The following NEBL variants were observed in gnomAD, a reference collection of about 807,000 sequenced individuals.
NEBL encodes LIM and SH3 protein 2.
Under a neutral mutation model 140.2 loss-of-function variants are expected in NEBL, and 122 were observed. The observed-to-expected ratio is 0.87, with a 90% CI of 0.75 to 1.01. The LOEUF is 1.01. Among genes scored for constraint, NEBL ranks in the 50% least tolerant of loss-of-function variants. NEBL has a pLI of 0.00. For synonymous variants in NEBL, 436 were observed against 398.9 expected (o/e 1.09, Z -1.11); for missense variants, 1,365 against 1,231.3 (o/e 1.11, Z -1.62).
chr10:21,246,501 G>A (rs1003426568), intron 3 of NEBL, among the ~76,000 whole-genome samples: 4 of 151,628 alleles, frequency 2.6e-5, no homozygotes, highest in South Asian at 2.1e-4. Flanking sequence ...TTTTTAATTG[G>A]GCCAGGCACA....
chr10:20,914,462 C>T (rs974283229), intron 4 of NEBL, among the ~76,000 whole-genome samples: 1 of 152,158 alleles, frequency 6.6e-6, no homozygotes, highest in African/African-American at 2.4e-5. Context: ...TTAGTCATTC[C>T]TTGGAAGCAA....
intron 2 of NEBL, among the ~76,000 whole-genome samples, chr10:21,169,067 A>AAAAAAAAATATAT (rs1554830679): frequency 3.0e-4 from 7 of 23,076 alleles, no homozygotes; most frequent in Non-Finnish European, 5.2e-4. Context: ...AAAAAAAAAA[A>AAAAAAAAATATAT]ATATATATAT....
intron 2 of NEBL, among the ~76,000 whole-genome samples, chr10:21,078,066 T>G (rs1325622021): frequency 6.6e-6 from 1 of 152,128 alleles, no homozygotes; most frequent in Non-Finnish European, 1.5e-5. Context: ...GTGTGCAGAA[T>G]GGACGGGAGG....
chr10:20,998,656 G>A (rs1018113167), intron 3 of NEBL, among the ~76,000 whole-genome samples: 1 of 152,038 alleles, frequency 6.6e-6, no homozygotes, highest in Non-Finnish European at 1.5e-5. Context: ...CAGATGGCCA[G>A]GAAGAATAGA....
intron 2 of NEBL, among the ~76,000 whole-genome samples, chr10:21,099,077 G>A (rs1026905442): frequency 2.6e-5 from 4 of 152,198 alleles, no homozygotes; most frequent in Non-Finnish European, 4.4e-5. Context: ...CGGCTTCAGT[G>A]AGCCATGATC....
chr10:21,184,111 GC>G (rs1267517253), intron 3 of NEBL, among the ~76,000 whole-genome samples: 1 of 152,100 alleles, frequency 6.6e-6, no homozygotes. Flanking sequence ...TAATACACAG[GC>G]CAAGCTTTTA....
At chr10:21,167,264 CTT>C (rs1164906672) in intron 2 of NEBL, among the ~76,000 whole-genome samples, 2 of 152,206 alleles carry the variant, frequency 1.3e-5, no homozygotes, top group Non-Finnish European at 2.9e-5. Context: ...AAGTGAAACT[CTT>C]TGATGAGAGG....
intron 2 of NEBL, among the ~76,000 whole-genome samples, chr10:21,107,676 G>A (rs773892326): frequency 3.3e-5 from 5 of 152,172 alleles, no homozygotes; most frequent in Non-Finnish European, 7.3e-5. Context: ...GATGACGCTA[G>A]CCTCATAAAA....
At chr10:20,986,032 C>T (rs998540984) in intron 3 of NEBL, among the ~76,000 whole-genome samples, 1 of 152,134 alleles carries the variant, frequency 6.6e-6, no homozygotes, top group Non-Finnish European at 1.5e-5. Flanking sequence ...GGAGAATGGA[C>T]GCTGCTCTAC....
intron 4 of NEBL, among the ~76,000 whole-genome samples, chr10:20,931,035 C>T (rs777717288): frequency 3.3e-5 from 5 of 152,112 alleles, no homozygotes; most frequent in African/African-American, 4.8e-5. Context: ...TCAGGAAAGA[C>T]ATCACAACTC....
At chr10:20,938,399 TAACA>T (rs1834634592) in intron 4 of NEBL, among the ~76,000 whole-genome samples, 1 of 152,086 alleles carries the variant, frequency 6.6e-6, no homozygotes, top group Non-Finnish European at 1.5e-5. Context: ...GAAGGAAAAC[TAACA>T]AACAGAAAGG....
intron 3 of NEBL, among the ~76,000 whole-genome samples, chr10:21,018,104 G>C (rs1427135675): frequency 6.6e-6 from 1 of 152,124 alleles, no homozygotes; most frequent in Non-Finnish European, 1.5e-5. Context: ...TTACAGGCAT[G>C]AGCCCCCGTG....
rs775063960 is a variant in NEBL, at chr10:21,167,434, C to T, written c.164+4949G>A. Among the ~76,000 whole-genome samples, 31 of 152,224 alleles carry T rather than the reference C, an allele frequency of 2.0e-4. 1 individual carries two copies. Among genetic ancestry groups the T allele is most frequent in the Middle Eastern group, 3.4e-3 (1 of 294 alleles). Reference sequence around the variant, plus strand: ...AATATGTCTGTGAATAATGTTCAGCCGAAATAATGTTCTGGGGAAATTATT... The same window carrying T: ...AATATGTCTGTGAATAATGTTCAGCTGAAATAATGTTCTGGGGAAATTATT... On this transcript the variant is annotated intron_variant, in intron 2 of 6. Transcript: ENST00000417816.
chr10:21,248,074 T>A (rs970742033), intron 2 of NEBL: 10 of 228,866 alleles, frequency 4.4e-5, no homozygotes, highest in African/African-American at 2.3e-4. Context: ...ACCCTTTAAA[T>A]GGGCAGCCTT....
chr10:20,997,570 T>C (rs1295310396), intron 3 of NEBL, among the ~76,000 whole-genome samples: 5 of 143,492 alleles, frequency 3.5e-5, no homozygotes, highest in Non-Finnish European at 7.5e-5. Flanking sequence ...CAATGCACTA[T>C]GGATTAAAGT....
intron 2 of NEBL, among the ~76,000 whole-genome samples, chr10:21,034,660 A>G (rs909117970): frequency 2.7e-4 from 41 of 152,358 alleles, no homozygotes; most frequent in African/African-American, 9.9e-4. Flanking sequence ...TGGGGAGAGG[A>G]GGAAACTGTC....
At chr10:20,786,639 G>A (rs1342620928) in intron 27 of NEBL, among the ~76,000 whole-genome samples, 1 of 152,196 alleles carries the variant, frequency 6.6e-6, no homozygotes, top group East Asian at 1.9e-4. Context: ...GGACAGTGTA[G>A]AAGAGTTTTC....
chr10:20,878,004 G>T (rs1170271763), intron 5 of NEBL, among the ~76,000 whole-genome samples: 6 of 152,082 alleles, frequency 3.9e-5, no homozygotes, highest in Non-Finnish European at 8.8e-5. Context: ...TGAACCTCAG[G>T]TACTACCCCA....
In NEBL at chr10:20,809,815, T is replaced by C. The variant is rs908360300; in HGVS notation, c.2602A>G (p.Met868Val). The change falls in exon 25 of 28, where the codon ATG (methionine) becomes GTG (valine). Residue 868 changes from methionine (M) to valine (V), a missense_variant. Around this residue, in one of 2 missense-constraint regions of NEBL, gnomAD observed 1,323 missense variants for 1,154.8 expected, o/e 1.15. Coordinates refer to ENST00000377122, the MANE Select transcript of NEBL (RefSeq NM_006393.3). ...AAAAAGTGAGTAATACCAGAGAGCATATGGAGACTTCTAGACTGAATATTG... is the reference window on the plus strand; with the variant it reads ...AAAAAGTGAGTAATACCAGAGAGCACATGGAGACTTCTAGACTGAATATTG... ...EDNIQSRSLH[M>V]LSEKASHYRR... The C allele has an allele frequency of 2.5e-6, 4 of 1,606,932 alleles. No individual in the cohort carries two copies. The highest frequency in any genetic ancestry group is 2.6e-6 in the Non-Finnish European group (3 of 1,173,872).
Sources: gnomAD v4.1 joint callset for allele counts (sites outside exome capture counted in the v4.1 genomes callset) on GRCh38, gnomAD v4.1.1 for gene constraint, gnomAD v4.1.1 regional missense constraint, MANE v1.5 for transcripts, NCBI Gene and HGNC (gene_info 2026-07-23, HGNC 2026-07-21) for gene names.